Variants in SLC24A5 observed in about 807,000 individuals in gnomAD.
SLC24A5 encodes the protein solute carrier family 24 member 5, also known as sodium/potassium/calcium exchanger 5.
In SLC24A5, 46 loss-of-function variants were observed where a neutral mutation model predicts 51.6. The observed-to-expected ratio is 0.89, with a 90% CI of 0.70 to 1.14. The LOEUF (loss-of-function observed/expected upper bound fraction) is 1.14. SLC24A5 is among the 50% of genes most tolerant of loss of function. The pLI, the probability that SLC24A5 is intolerant of heterozygous loss-of-function variation, is 0.00. For synonymous variants in SLC24A5, 230 were observed against 214.9 expected, an observed-to-expected ratio of 1.07 and a Z score of -0.62; for missense variants, 581 against 604.1, an observed-to-expected ratio of 0.96 and a Z score of 0.40.
intron 6 of SLC24A5, 96 bp downstream of exon 6, chr15:48,137,059 A>ACAT: frequency 7.6e-7 from 1 of 1,319,282 alleles, no homozygotes; most frequent in Non-Finnish European, 1.0e-6. Context: ...CTTTTTATGT[A>ACAT]AAAAAGACTG....
At chr15:48,121,774 A>T in intron 1 of SLC24A5, 83 bp from the exon 2 acceptor site, 1 of 1,393,618 alleles carries the variant, frequency 7.2e-7, no homozygotes, top group Non-Finnish European at 1.0e-6. Flanking sequence ...CCCCACACTT[A>T]CAGATTTCTT....
chr15:48,124,601 A>G (rs975303669), intron 2 of SLC24A5: 6 of 152,170 alleles, frequency 3.9e-5, no homozygotes, highest in African/African-American at 1.4e-4. Context: ...ATCTTAGGAG[A>G]AGTGAAAAAT....
At chr15:48,134,214 T>A (rs763249292) in intron 2 of SLC24A5, 44 bp from the exon 3 acceptor site, 1 of 1,520,538 alleles carries the variant, frequency 6.6e-7, no homozygotes, top group African/African-American at 1.4e-5. Context: ...AAAGACATAC[T>A]CTTTCACTTT....
chr15:48,121,032 G>A lies in SLC24A5; in HGVS notation c.-13G>A. On this transcript the variant is annotated 5_prime_UTR_variant, in exon 1 of 9. Transcript: ENST00000341459. Reference sequence around the variant, plus strand: ...TTCCTGAAGCTGCACGCTGCAGTAAGAGCACAGCAGAAATGCAGACAAAAG... The same window carrying A: ...TTCCTGAAGCTGCACGCTGCAGTAAAAGCACAGCAGAAATGCAGACAAAAG... 1 of 1,612,618 alleles carries A rather than the reference G, an allele frequency of 6.2e-7. No individual in the cohort carries two copies. The highest frequency in any genetic ancestry group is 8.5e-7 in the Non-Finnish European group (1 of 1,179,292).
chr15:48,130,421 T>G (rs2038777492), intron 2 of SLC24A5, among the ~76,000 whole-genome samples: 1 of 152,154 alleles, frequency 6.6e-6, no homozygotes, highest in African/African-American at 2.4e-5. Flanking sequence ...TACAAAATCT[T>G]TCCTTTCATA....
intron 2 of SLC24A5, among the ~76,000 whole-genome samples, chr15:48,129,913 A>C (rs1046521797): frequency 2.6e-5 from 4 of 152,104 alleles, no homozygotes; most frequent in South Asian, 2.1e-4. Flanking sequence ...TCTCCTATCA[A>C]GTTACTGGCA....
intron 2 of SLC24A5, among the ~76,000 whole-genome samples, chr15:48,128,417 T>A (rs961220182): frequency 6.6e-6 from 1 of 152,214 alleles, no homozygotes; most frequent in Non-Finnish European, 1.5e-5. Context: ...CTTTTTATTT[T>A]AAAAAATTTT....
At chr15:48,127,909 T>C (rs1244616272) in intron 2 of SLC24A5, among the ~76,000 whole-genome samples, 1 of 151,710 alleles carries the variant, frequency 6.6e-6, no homozygotes, top group East Asian at 1.9e-4. Context: ...TCTATACCAT[T>C]TTACTTCATC....
intron 2 of SLC24A5, among the ~76,000 whole-genome samples, chr15:48,130,886 A>G (rs1222370382): frequency 2.0e-5 from 3 of 152,134 alleles, no homozygotes; most frequent in Non-Finnish European, 4.4e-5. Flanking sequence ...TGCCATTCTT[A>G]TATTGGGTTT....
At chr15:48,125,192 T>C (rs1385760616) in intron 2 of SLC24A5, among the ~76,000 whole-genome samples, 2 of 151,668 alleles carry the variant, frequency 1.3e-5, no homozygotes, top group African/African-American at 2.4e-5. Context: ...TATTCCACAA[T>C]GTACTACAGT....
rs760058817 is a variant in SLC24A5 at position 48,134,244 on chromosome 15, T to G, written c.302-14T>G. 5.0e-6 allele frequency: 8 copies of G among 1,609,474 alleles called. No individual in the cohort carries two copies. The highest frequency in any genetic ancestry group is 1.3e-5 in the African/African-American group (1 of 74,434). On this transcript the variant is annotated splice_polypyrimidine_tract_variant and intron_variant, in intron 2 of 8. Coordinates refer to ENST00000341459, the MANE Select transcript of SLC24A5 (RefSeq NM_205850.3). ...CACTTTATTAGGCATAACAATCATT[T>G]CATTTATGTTCAGCCCTTGGATTGT... is the stretch of plus-strand genomic sequence containing the variant.
chr15:48,124,467 A>T (rs1045743201), intron 2 of SLC24A5: 9 of 152,144 alleles, frequency 5.9e-5, no homozygotes, highest in Admixed American at 5.9e-4. Flanking sequence ...TGAAAAATTA[A>T]AAATGTTAAT....
intron 2 of SLC24A5, among the ~76,000 whole-genome samples, chr15:48,132,575 AAAC>A (rs1211849714): frequency 7.9e-5 from 12 of 152,256 alleles, no homozygotes; most frequent in South Asian, 4.1e-4. Flanking sequence ...TAGTGGCTAA[AAAC>A]AACAATTACT....
At chr15:48,141,349 C>T (rs1211885411) in intron 8 of SLC24A5, 135 bp downstream of exon 8, 9 of 601,462 alleles carry the variant, frequency 1.5e-5, no homozygotes, top group South Asian at 3.8e-5. Context: ...GAGGCCGAGG[C>T]GGGTGGATCA....
rs2140728484 is a variant in SLC24A5, at chr15:48,134,426, T to G, written c.386-9T>G. The G allele has an allele frequency of 6.2e-7, 1 of 1,611,310 alleles. No homozygotes were observed. Among genetic ancestry groups the G allele is most frequent in the Non-Finnish European group, 8.5e-7 (1 of 1,177,596 alleles). On this transcript the variant is annotated splice_polypyrimidine_tract_variant and intron_variant, in intron 3 of 8. Coordinates refer to ENST00000341459, the MANE Select transcript of SLC24A5 (RefSeq NM_205850.3). ...AACACTAACTTAGCTGGTACTATCT[T>G]GCACATAGGTGTATTTATCACAAAG...
intron 6 of SLC24A5, chr15:48,138,313 C>T (rs59944938): frequency 4.0e-4 from 60 of 151,820 alleles, no homozygotes; most frequent in African/African-American, 1.4e-3. Context: ...TATCATTATC[C>T]TTCTACTAAA....
intron 2 of SLC24A5, among the ~76,000 whole-genome samples, chr15:48,125,611 T>C (rs1328756520): frequency 6.6e-6 from 1 of 152,120 alleles, no homozygotes; most frequent in Non-Finnish European, 1.5e-5. Flanking sequence ...AAATATCAAA[T>C]ACCCACAGTT....
At position 48,134,517 on chromosome 15, in the gene SLC24A5, C is replaced by T; in HGVS notation, c.468C>T (p.Ala156=). The change falls in exon 4 of 9, where the codon GCC becomes GCT. Residue 156 remains alanine, a synonymous_variant. Coordinates refer to ENST00000341459, the MANE Select transcript of SLC24A5 (RefSeq NM_205850.3). ...AIYNLLGICA[A]CGLLSNTVST... Reference sequence around the variant, plus strand: ...ATAATCTCCTTGGCATCTGTGCTGCCTGTGGTTTGCTATCTAATACGGTAT... The same window carrying T: ...ATAATCTCCTTGGCATCTGTGCTGCTTGTGGTTTGCTATCTAATACGGTAT... The T allele has an allele frequency of 6.2e-7, 1 of 1,613,068 alleles. No homozygotes were observed. Among genetic ancestry groups the T allele is most frequent in the Non-Finnish European group, 8.5e-7 (1 of 1,179,196 alleles).
At position 48,142,368 on chromosome 15, in the gene SLC24A5, A is replaced by G. The variant is rs1597279573; in HGVS notation, c.*17A>G. ...GGAGGTTGATATTATTAATAGTGTT[A>G]TGCAGAAAATATGAATGGCAGGGAG... On this transcript the variant is annotated 3_prime_UTR_variant, in exon 9 of 9. Transcript: ENST00000341459. 6.8e-7 allele frequency: 1 copy of G among 1,479,890 alleles called. No individual in the cohort carries two copies. Among genetic ancestry groups the G allele is most frequent in the Non-Finnish European group, 9.1e-7 (1 of 1,095,658 alleles). 91.7% of individuals were successfully genotyped at this position (1,479,890 alleles called of 1,614,324 possible).
Sources: gnomAD v4.1 joint callset for allele counts (sites outside exome capture counted in the v4.1 genomes callset) on GRCh38, gnomAD v4.1.1 for gene constraint, MANE v1.5 for transcripts, NCBI Gene and HGNC (gene_info 2026-07-23, HGNC 2026-07-21) for gene names.